Variants in COL4A5 observed in about 807,000 individuals in gnomAD.
COL4A5 encodes collagen alpha-5(IV) chain.
Under a neutral mutation model 130.2 loss-of-function variants are expected in COL4A5, and 26 were observed. That is an observed-to-expected ratio of 0.20 (90% CI 0.15 to 0.28). COL4A5 has a LOEUF of 0.28. Ranked by LOEUF, COL4A5 falls within the 10% of genes least tolerant of loss-of-function variation. COL4A5 has a pLI of 1.00. For missense variants in COL4A5, 1,131 were observed against 1,344.3 expected (o/e 0.84, Z 2.48); for synonymous variants, 496 against 439.6 (o/e 1.13, Z -1.60).
At chrX:108,487,046 G>A (rs1009428529) in intron 1 of COL4A5, among the ~76,000 whole-genome samples, 12 of 112,166 alleles carry the variant, frequency 1.1e-4, no homozygotes, top group Non-Finnish European at 1.7e-4. Flanking sequence ...AATCTCCACA[G>A]TGTTTTCCAT....
intron 1 of COL4A5, among the ~76,000 whole-genome samples, chrX:108,503,998 A>G (rs981110000): frequency 8.9e-6 from 1 of 112,314 alleles, no homozygotes; most frequent in South Asian, 3.6e-4. Flanking sequence ...AAATTATACT[A>G]TAAGGCTACA....
intron 36 of COL4A5, among the ~76,000 whole-genome samples, chrX:108,645,885 C>T (rs1032304001): frequency 5.4e-5 from 6 of 110,500 alleles, no homozygotes; most frequent in Non-Finnish European, 9.4e-5. Flanking sequence ...CCAGCTTCAT[C>T]CATGTCCCTA....
intron 1 of COL4A5, among the ~76,000 whole-genome samples, chrX:108,451,409 G>A (rs893281911): frequency 1.8e-4 from 20 of 111,888 alleles, no homozygotes; most frequent in African/African-American, 6.5e-4. Flanking sequence ...AGAACCCTGA[G>A]GAATCGCCAC....
intron 1 of COL4A5, among the ~76,000 whole-genome samples, chrX:108,512,638 T>C (rs981570652): frequency 1.8e-5 from 2 of 111,201 alleles, no homozygotes; most frequent in East Asian, 5.6e-4. Context: ...AAGTTTTTAT[T>C]AGGGACTTTC....
At position 108,522,835 on chromosome X, in the gene COL4A5, A is replaced by G. The variant is rs771245079; in HGVS notation, c.82-16911A>G. On this transcript the variant is annotated intron_variant, in intron 1 of 52. Transcript: ENST00000328300. ...TTTTTGTTACTTGTACTGTTGCTAT[A>G]ATATCTAAGAAGGCTTTGACTAAAC... is the stretch of plus-strand genomic sequence containing the variant. Among the ~76,000 whole-genome samples, 4 of 106,652 alleles carry G rather than the reference A, an allele frequency of 3.8e-5. No individual in the cohort carries two copies. The East Asian group carries it at 9.0e-4, about 24-fold the overall frequency. 92.6% of individuals were successfully genotyped at this position (106,652 alleles called of 115,157 possible).
At chrX:108,588,466 G>T (rs1384734065) in intron 19 of COL4A5, among the ~76,000 whole-genome samples, 1 of 110,955 alleles carries the variant, frequency 9.0e-6, no homozygotes, top group Non-Finnish European at 1.9e-5. Flanking sequence ...ATCTCAGGAT[G>T]CAGTAAAAGA....
chrX:108,459,970 A>G (rs964134462), intron 1 of COL4A5, among the ~76,000 whole-genome samples: 2 of 112,118 alleles, frequency 1.8e-5, no homozygotes, highest in African/African-American at 6.5e-5. Flanking sequence ...AATTTTTTTT[A>G]AAAAAATATA....
At chrX:108,509,366 A>C (rs1040614128) in intron 1 of COL4A5, among the ~76,000 whole-genome samples, 4 of 111,953 alleles carry the variant, frequency 3.6e-5, no homozygotes, top group African/African-American at 1.3e-4. Flanking sequence ...TAATTTGTAC[A>C]ACAAACCCCC....
At chrX:108,621,351 G>A (rs376531955) in intron 31 of COL4A5, among the ~76,000 whole-genome samples, 1 of 108,364 alleles carries the variant, frequency 9.2e-6, no homozygotes, top group African/African-American at 3.4e-5. Context: ...TCTTTGTAGT[G>A]ATGGAGTCTC....
At chrX:108,578,505 A>G in intron 13 of COL4A5, 122 bp downstream of exon 13, 4 of 541,248 alleles carry the variant, frequency 7.4e-6, no homozygotes, top group Non-Finnish European at 1.3e-5. Context: ...CACCTTAGAT[A>G]TATACAGTTT....
chrX:108,686,231 T>C, intron 48 of COL4A5, 102 bp downstream of exon 48: 1 of 623,797 alleles, frequency 1.6e-6, no homozygotes, highest in Non-Finnish European at 2.6e-6. Flanking sequence ...CTTCTCTTGA[T>C]GTTAGCATAG....
At chrX:108,458,115 C>T (rs186344573) in intron 1 of COL4A5, among the ~76,000 whole-genome samples, 33 of 111,889 alleles carry the variant, frequency 2.9e-4, no homozygotes, top group African/African-American at 9.7e-4. Context: ...ATGGTTATAG[C>T]TTTCTGTCCC....
chrX:108,466,770 C>CT (rs60506758), intron 1 of COL4A5, among the ~76,000 whole-genome samples: 34 of 102,368 alleles, frequency 3.3e-4, no homozygotes, highest in Admixed American at 2.4e-3. Context: ...GCCAAGGTGG[C>CT]TTTTTTTTTT....
At chrX:108,510,142 G>A (rs956019350) in intron 1 of COL4A5, among the ~76,000 whole-genome samples, 3 of 110,980 alleles carry the variant, frequency 2.7e-5, no homozygotes, top group Non-Finnish European at 5.7e-5. Flanking sequence ...AATAGACACT[G>A]TGGCCTATGT....
intron 4 of COL4A5, among the ~76,000 whole-genome samples, chrX:108,565,139 G>T (rs1409583802): frequency 1.8e-5 from 2 of 111,205 alleles, no homozygotes; most frequent in Non-Finnish European, 3.8e-5. Context: ...TCCATTGCAG[G>T]TGTTTGAGAT....
At chrX:108,695,178 T>C in intron 51 of COL4A5, 89 bp from the exon 52 acceptor site, 1 of 1,117,449 alleles carries the variant, frequency 8.9e-7, no homozygotes, top group Non-Finnish European at 1.2e-6. Flanking sequence ...TAGATTTGAA[T>C]TTGGCCAAGC....
intron 1 of COL4A5, among the ~76,000 whole-genome samples, chrX:108,496,071 C>A (rs1035204964): frequency 1.8e-5 from 2 of 112,136 alleles, no homozygotes; most frequent in Non-Finnish European, 3.8e-5. Flanking sequence ...ATTTGCCTTC[C>A]CTGCTTTGCA....
intron 1 of COL4A5, among the ~76,000 whole-genome samples, chrX:108,460,321 G>A (rs2064630566): frequency 2.7e-5 from 3 of 111,343 alleles, no homozygotes; most frequent in South Asian, 7.4e-4. Flanking sequence ...CTTAGATGTG[G>A]GTATGTTAAA....
rs184767189 is a variant in COL4A5 at position 108,653,802 on chromosome X, G to T, written c.3247-1529G>T. On this transcript the variant is annotated intron_variant, in intron 36 of 52. Coordinates refer to ENST00000328300, the MANE Select transcript of COL4A5 (RefSeq NM_033380.3). ...AAGAATCATGATAGTTTATTCAAAG[G>T]TTTCCCATGTAAACACCTAAGATGG... 1.6e-4 allele frequency among the ~76,000 whole-genome samples: 18 copies of T among 110,823 alleles called. No individual in the cohort carries two copies. In the East Asian group the frequency reaches 4.8e-3, roughly 30 times the overall value.
Sources: gnomAD v4.1 joint callset for allele counts (sites outside exome capture counted in the v4.1 genomes callset) on GRCh38, gnomAD v4.1.1 for gene constraint, MANE v1.5 for transcripts, NCBI Gene and HGNC (gene_info 2026-07-23, HGNC 2026-07-21) for gene names.